The following ATP8A2 variants were observed in gnomAD, a reference collection of about 807,000 sequenced individuals.
ATP8A2 encodes ATPase phospholipid transporting 8A2.
Under a neutral mutation model 165.6 loss-of-function variants are expected in ATP8A2, and 100 were observed. The observed-to-expected ratio is 0.60, with a 90% CI of 0.51 to 0.71. The LOEUF (loss-of-function observed/expected upper bound fraction) is 0.71. Ranked by LOEUF, ATP8A2 falls within the 30% of genes least tolerant of loss-of-function variation. The pLI is 0.00. For missense variants in ATP8A2, 1,227 were observed against 1,479.5 expected (o/e 0.83, Z 2.80); for synonymous variants, 543 against 548.8 (o/e 0.99, Z 0.15).
intron 35 of ATP8A2, among the ~76,000 whole-genome samples, chr13:25,975,062 G>A (rs1235699751): frequency 6.6e-6 from 1 of 152,120 alleles, no homozygotes; most frequent in Non-Finnish European, 1.5e-5. Context: ...CCCTTCTGTG[G>A]TTGGTGCTAC....
chr13:25,790,152 G>A (rs1566140614), intron 27 of ATP8A2, among the ~76,000 whole-genome samples: 1 of 152,124 alleles, frequency 6.6e-6, no homozygotes, highest in Non-Finnish European at 1.5e-5. Context: ...TACCATTCTG[G>A]ACATAGGAAT....
chr13:25,435,952 AGTGT>A (rs1448353061), intron 1 of ATP8A2, among the ~76,000 whole-genome samples: 57 of 40,680 alleles, frequency 1.4e-3, no homozygotes, highest in African/African-American at 2.2e-3. Context: ...TGTGTGTGTG[AGTGT>A]GTGTGTGTGT....
intron 2 of ATP8A2, among the ~76,000 whole-genome samples, chr13:25,510,909 A>G (rs2037205106): frequency 6.6e-6 from 1 of 152,218 alleles, no homozygotes; most frequent in African/African-American, 2.4e-5. Flanking sequence ...CTAAAAGTTG[A>G]AAGAGTTTAG....
intron 27 of ATP8A2, among the ~76,000 whole-genome samples, chr13:25,823,375 T>C (rs1324099287): frequency 6.6e-6 from 1 of 152,230 alleles, no homozygotes; most frequent in Non-Finnish European, 1.5e-5. Flanking sequence ...GTTTATCTTA[T>C]ATGTAGCATA....
At chr13:25,495,018 C>T (rs2036631507) in intron 2 of ATP8A2, among the ~76,000 whole-genome samples, 2 of 152,204 alleles carry the variant, frequency 1.3e-5, no homozygotes, top group African/African-American at 4.8e-5. Flanking sequence ...TTAGGTGTCT[C>T]CGCAGATTTC....
chr13:25,578,857 A>G lies in ATP8A2; in HGVS notation c.1825A>G (p.Met609Val), dbSNP rs759746860. 5.0e-6 allele frequency: 8 copies of G among 1,611,450 alleles called. No homozygotes were observed. Among genetic ancestry groups the G allele is most frequent in the Non-Finnish European group, 3.4e-6 (4 of 1,177,720 alleles). The change falls in exon 21 of 37, where the codon ATG becomes GTG. Residue 609 changes from methionine (M) to valine (V), a missense_variant. By Grantham distance (21) the Met-to-Val change is conservative (BLOSUM62 1). Transcript: ENST00000381655. ...FERLSKDSKY[M>V]EETLCHLEYF... is the part of the protein sequence containing the mutation. ...GAGACTTTCAAAAGACTCAAAATATATGGAGGAAACATTATGCCATCTGGA... is the reference window on the plus strand; with the variant it reads ...GAGACTTTCAAAAGACTCAAAATATGTGGAGGAAACATTATGCCATCTGGA...
chr13:25,783,056 T>A (rs1331792440), intron 27 of ATP8A2, among the ~76,000 whole-genome samples: 3 of 1,526 alleles, frequency 2.0e-3, no homozygotes, highest in African/African-American at 2.4e-3. Context: ...TTTAAATATG[T>A]ACTATTTATT....
chr13:25,726,485 T>C (rs1332138330), intron 25 of ATP8A2, among the ~76,000 whole-genome samples: 1 of 152,222 alleles, frequency 6.6e-6, no homozygotes, highest in African/African-American at 2.4e-5. Flanking sequence ...GATGCTGGAT[T>C]CTGATGGCTT....
chr13:25,551,359 A>C lies in ATP8A2; in HGVS notation c.913A>C (p.Lys305Gln), dbSNP rs1469413463. ...GTAGAATTCAACCAAAGCGCCTCTCAAGAGATCAAATGTTGAGAAGGTGAC... is the reference window on the plus strand; with the variant it reads ...GTAGAATTCAACCAAAGCGCCTCTCCAGAGATCAAATGTTGAGAAGGTGAC... ...LMQNSTKAPL[K>Q]RSNVEKVTNV... The change falls in exon 11 of 37, where the codon AAG (lysine) becomes CAG (glutamine). Residue 305 changes from lysine to glutamine, a missense_variant. Lys to Gln is a moderately conservative substitution (Grantham distance 53). Coordinates refer to ENST00000381655, the MANE Select transcript of ATP8A2 (RefSeq NM_016529.6). The C allele has an allele frequency of 1.2e-6, 2 of 1,614,020 alleles. No individual in the cohort carries two copies. The highest frequency in any genetic ancestry group is 2.7e-5 in the African/African-American group (2 of 75,040).
chr13:25,509,118 A>G (rs1320058263), intron 2 of ATP8A2, among the ~76,000 whole-genome samples: 2 of 152,224 alleles, frequency 1.3e-5, no homozygotes, highest in East Asian at 3.8e-4. Context: ...AGGTTATGAT[A>G]TGGTGTAGCA....
chr13:25,662,434 ACT>A (rs1489370896), intron 24 of ATP8A2, among the ~76,000 whole-genome samples: 2 of 151,958 alleles, frequency 1.3e-5, no homozygotes, highest in African/African-American at 4.8e-5. Context: ...TGGGATTCTG[ACT>A]CTCTGATTAA....
intron 35 of ATP8A2, among the ~76,000 whole-genome samples, chr13:25,998,557 G>T (rs1291182904): frequency 6.6e-6 from 1 of 152,138 alleles, no homozygotes; most frequent in Non-Finnish European, 1.5e-5. Context: ...TTGCTAGGTA[G>T]GCTTCTTTGT....
At chr13:25,979,295 C>T (rs1352938568) in intron 35 of ATP8A2, among the ~76,000 whole-genome samples, 1 of 152,068 alleles carries the variant, frequency 6.6e-6, no homozygotes, top group East Asian at 1.9e-4. Context: ...GGAAACATTT[C>T]TCTATTAACA....
chr13:25,837,115 G>C, intron 28 of ATP8A2, 48 bp from the exon 29 acceptor site: 13 of 1,598,542 alleles, frequency 8.1e-6, no homozygotes, highest in Non-Finnish European at 1.1e-5. Context: ...CAATGAAGCC[G>C]TGTGGATCCG....
rs1201586525 is a variant in ATP8A2, at chr13:25,714,968, TAGAA to T, written c.2384+15625_2384+15628del. 3.9e-5 allele frequency among the ~76,000 whole-genome samples: 6 copies of T among 152,296 alleles called. No individual in the cohort carries two copies. The East Asian group carries it at 9.6e-4, about 24-fold the overall frequency. ...GCTCTTAAGATCTCTGCTTGGACAC[TAGAA>T]ATAGAAAAAAATATGTATGAAGAAG... On this transcript the variant is annotated intron_variant, in intron 25 of 36. Transcript: ENST00000381655.
intron 25 of ATP8A2, among the ~76,000 whole-genome samples, chr13:25,712,148 G>GGATAC (rs2043171157): frequency 2.0e-5 from 3 of 152,164 alleles, no homozygotes; most frequent in African/African-American, 7.2e-5. Context: ...CATGAGTCAA[G>GGATAC]GATACAGTCT....
chr13:25,956,140 A>G (rs1278032089), intron 33 of ATP8A2, among the ~76,000 whole-genome samples: 5 of 152,228 alleles, frequency 3.3e-5, no homozygotes, highest in Non-Finnish European at 7.3e-5. Flanking sequence ...AGAGCTATTT[A>G]TGACAGTCCC....
intron 1 of ATP8A2, among the ~76,000 whole-genome samples, chr13:25,440,493 C>G (rs2034903506): frequency 6.6e-6 from 1 of 152,112 alleles, no homozygotes; most frequent in Non-Finnish European, 1.5e-5. Flanking sequence ...TGTAATTCCC[C>G]CAGATTATCA....
At chr13:25,820,084 T>C (rs997966711) in intron 27 of ATP8A2, among the ~76,000 whole-genome samples, 1 of 152,178 alleles carries the variant, frequency 6.6e-6, no homozygotes, top group Non-Finnish European at 1.5e-5. Context: ...TTGTTAAGTG[T>C]CGGCTGTTAG....
Sources: gnomAD v4.1 joint callset for allele counts (sites outside exome capture counted in the v4.1 genomes callset) on GRCh38, gnomAD v4.1.1 for gene constraint, MANE v1.5 for transcripts, NCBI Gene and HGNC (gene_info 2026-07-23, HGNC 2026-07-21) for gene names.